LRRC7: variants seen among roughly 807,000 people sequenced by gnomAD.
LRRC7 encodes leucine-rich repeat-containing protein 7.
In LRRC7, 23 loss-of-function variants were observed where a neutral mutation model predicts 175.7. The observed-to-expected ratio is 0.13, with a 90% CI of 0.09 to 0.19. LRRC7 has a LOEUF of 0.19. Among genes scored for constraint, LRRC7 ranks in the 10% least tolerant of loss-of-function variants. The pLI is 1.00. For synonymous variants in LRRC7, 685 were observed against 680.9 expected, an observed-to-expected ratio of 1.01 and a Z score of -0.09; for missense variants, 1,354 against 1,904.7, an observed-to-expected ratio of 0.71 and a Z score of 5.38.
At chr1:69,953,181 G>A (rs1650128060) in intron 8 of LRRC7, among the ~76,000 whole-genome samples, 1 of 151,750 alleles carries the variant, frequency 6.6e-6, no homozygotes, top group South Asian at 2.1e-4. Flanking sequence ...AACCTAAATT[G>A]AACTGCTTGC....
At chr1:69,924,345 C>T (rs1417143407) in intron 7 of LRRC7, among the ~76,000 whole-genome samples, 1 of 152,102 alleles carries the variant, frequency 6.6e-6, no homozygotes, top group Non-Finnish European at 1.5e-5. Context: ...TGAAGAAAGT[C>T]ATTGGTAGCT....
At chr1:70,094,473 A>G (rs1385254154) in intron 25 of LRRC7, among the ~76,000 whole-genome samples, 1 of 152,184 alleles carries the variant, frequency 6.6e-6, no homozygotes, top group East Asian at 1.9e-4. Context: ...TAGAAAATGT[A>G]AACTATTATC....
chr1:69,651,781 G>A (rs985112904), intron 1 of LRRC7, among the ~76,000 whole-genome samples: 1 of 152,268 alleles, frequency 6.6e-6, no homozygotes, highest in South Asian at 2.1e-4. Flanking sequence ...AGGGAAAAGA[G>A]AAGAGTGGAA....
chr1:69,725,958 C>T lies in LRRC7; in HGVS notation c.101-34233C>T, dbSNP rs574715595. ...CAAAGGGCCTGGACCCTACCTGTAG[C>T]CTAGACAGCACTCTCTAGCTGGAAT... On this transcript the variant is annotated intron_variant, in intron 2 of 26. Transcript: ENST00000651989. Among the ~76,000 whole-genome samples, 6 of 152,284 alleles carry T rather than the reference C, an allele frequency of 3.9e-5. No individual in the cohort carries two copies. In the East Asian group the frequency reaches 1.2e-3, roughly 29 times the overall value.
chr1:69,690,549 C>T (rs547768461), intron 2 of LRRC7, among the ~76,000 whole-genome samples: 1 of 152,274 alleles, frequency 6.6e-6, no homozygotes, highest in African/African-American at 2.4e-5. Context: ...CCCTTCCTTT[C>T]GTATTAGCAG....
At chr1:69,935,916 T>C (rs987980240) in intron 8 of LRRC7, among the ~76,000 whole-genome samples, 1 of 152,174 alleles carries the variant, frequency 6.6e-6, no homozygotes. Context: ...GTTTTTCATA[T>C]GTTTTCTTCT....
chr1:69,734,084 T>A (rs1667858056), intron 2 of LRRC7, among the ~76,000 whole-genome samples: 2 of 151,874 alleles, frequency 1.3e-5, no homozygotes, highest in Non-Finnish European at 2.9e-5. Context: ...CACATATATT[T>A]ATCAGCAATC....
chr1:70,135,464 G>A lies in LRRC7; in HGVS notation c.*13577G>A, dbSNP rs1571404978. 1.3e-5 allele frequency among the ~76,000 whole-genome samples: 2 copies of A among 152,196 alleles called. No homozygotes were observed. The highest frequency in any genetic ancestry group is 2.9e-5 in the Non-Finnish European group (2 of 68,032). On this transcript the variant is annotated 3_prime_UTR_variant, in exon 27 of 27. Coordinates refer to ENST00000651989, the MANE Select transcript of LRRC7 (RefSeq NM_001370785.2). ...AATATCATCTAGGCTGGGTTGGGGT[G>A]CAGGACCCCCAGCAGCTGTGGGAAG...
At position 69,664,478 on chromosome 1, in the gene LRRC7, T is replaced by C. The variant is rs79486689; in HGVS notation, c.3-13903T>C. ...CATCTCGCCAGCATTTGTTATTTCC[T>C]GACTTTTGGGTAAAAGCCATTTTAG... On this transcript the variant is annotated intron_variant, in intron 1 of 26. Transcript: ENST00000651989. Among the ~76,000 whole-genome samples the C allele has an allele frequency of 3.3e-3, 509 of 152,340 alleles. 7 individuals carry two copies. Among genetic ancestry groups the C allele is most frequent in the East Asian group, 0.014 (72 of 5,180 alleles).
intron 1 of LRRC7, among the ~76,000 whole-genome samples, chr1:69,658,626 A>G (rs1656996204): frequency 1.3e-5 from 2 of 152,068 alleles, no homozygotes; most frequent in Non-Finnish European, 2.9e-5. Flanking sequence ...GAGGACCTAA[A>G]AAAAATCCTC....
chr1:69,741,125 A>G (rs1242399132), intron 2 of LRRC7, among the ~76,000 whole-genome samples: 3 of 152,002 alleles, frequency 2.0e-5, no homozygotes, highest in Non-Finnish European at 4.4e-5. Flanking sequence ...TTACTACATG[A>G]CATGGAAAGT....
At chr1:69,602,787 C>T (rs1241439943) in intron 1 of LRRC7, among the ~76,000 whole-genome samples, 1 of 152,158 alleles carries the variant, frequency 6.6e-6, no homozygotes, top group East Asian at 1.9e-4. Flanking sequence ...AGGTTAGCAA[C>T]TTATGGCATA....
intron 2 of LRRC7, among the ~76,000 whole-genome samples, chr1:69,715,895 C>T (rs970136276): frequency 6.6e-6 from 1 of 151,896 alleles, no homozygotes; most frequent in Non-Finnish European, 1.5e-5. Flanking sequence ...CAAAATGTTG[C>T]ATTAAGGAAG....
At chr1:69,715,539 T>G (rs1242276448) in intron 2 of LRRC7, among the ~76,000 whole-genome samples, 2 of 152,166 alleles carry the variant, frequency 1.3e-5, no homozygotes, top group Non-Finnish European at 1.5e-5. Context: ...TTGGGGATTT[T>G]GGGCTCAATT....
Position 69,843,974 on chromosome 1 carries a change from C to T in LRRC7, c.647+5691C>T, listed in dbSNP as rs548689811. Among the ~76,000 whole-genome samples the T allele has an allele frequency of 1.4e-3, 208 of 152,088 alleles. 1 individual carries two copies. The highest frequency in any genetic ancestry group is 9.5e-3 in the South Asian group (46 of 4,818). On this transcript the variant is annotated intron_variant, in intron 7 of 26. Coordinates refer to ENST00000651989, the MANE Select transcript of LRRC7 (RefSeq NM_001370785.2). ...GGTAGTAATATATCACTATTAATTT[C>T]CTGATTTGGTTGGTTGTATTTTGAT...
In LRRC7 at chr1:70,126,154, A is replaced by T. The variant is rs1235752224; in HGVS notation, c.*4267A>T. ...ATGAATACATTCTCATCAAGAGGCA[A>T]GAATACAACATAACCAGGTCAAAAG... On this transcript the variant is annotated 3_prime_UTR_variant, in exon 27 of 27. Coordinates refer to ENST00000651989, the MANE Select transcript of LRRC7 (RefSeq NM_001370785.2). 6.6e-6 allele frequency among the ~76,000 whole-genome samples: 1 copy of T among 152,126 alleles called. No homozygotes were observed. The highest frequency in any genetic ancestry group is 6.6e-5 in the Admixed American group (1 of 15,266).
chr1:69,864,617 A>T (rs1252681288), intron 7 of LRRC7, among the ~76,000 whole-genome samples: 4 of 152,202 alleles, frequency 2.6e-5, no homozygotes, highest in African/African-American at 7.2e-5. Context: ...GTGTCAGAAG[A>T]TAGGGTAACA....
chr1:69,895,311 C>T (rs1224473102), intron 7 of LRRC7, among the ~76,000 whole-genome samples: 1 of 152,170 alleles, frequency 6.6e-6, no homozygotes, highest in South Asian at 2.1e-4. Flanking sequence ...CACACAAAAA[C>T]CCAGAAAACA....
chr1:69,963,316 A>T (rs535665973), intron 8 of LRRC7, among the ~76,000 whole-genome samples: 1 of 151,444 alleles, frequency 6.6e-6, no homozygotes, highest in African/African-American at 2.4e-5. Context: ...AAAAAAAAAA[A>T]AAAGAAAGAA....
Sources: gnomAD v4.1 joint callset for allele counts (sites outside exome capture counted in the v4.1 genomes callset) on GRCh38, gnomAD v4.1.1 for gene constraint, MANE v1.5 for transcripts, NCBI Gene and HGNC (gene_info 2026-07-23, HGNC 2026-07-21) for gene names.